PDE4D: variants seen among roughly 807,000 people sequenced by gnomAD.
PDE4D encodes 3',5'-cyclic-AMP phosphodiesterase 4D.
In PDE4D, 24 loss-of-function variants were observed where a neutral mutation model predicts 87.4. The ratio of observed to expected loss-of-function variants is 0.27; its 90% CI spans 0.20 to 0.39. PDE4D has a LOEUF of 0.39. Ranked by LOEUF, PDE4D falls within the 10% of genes least tolerant of loss-of-function variation. The pLI is 1.00. For missense variants in PDE4D, 714 were observed against 1,041.0 expected, an observed-to-expected ratio of 0.69 and a Z score of 4.32; for synonymous variants, 384 against 383.2, an observed-to-expected ratio of 1.00 and a Z score of -0.02.
chr5:59,564,888 T>A (rs949445675), intron 1 of PDE4D, among the ~76,000 whole-genome samples: 1 of 151,560 alleles, frequency 6.6e-6, no homozygotes, highest in African/African-American at 2.4e-5. Flanking sequence ...TGGAGTGGGG[T>A]GAGAAGCTTC....
intron 1 of PDE4D, among the ~76,000 whole-genome samples, chr5:59,607,949 G>C (rs995244442): frequency 3.3e-5 from 5 of 152,086 alleles, no homozygotes; most frequent in African/African-American, 9.7e-5. Context: ...GTAGGGAAGA[G>C]TGCCTAGTTT....
chr5:60,350,001 C>A (rs1407825015), intron 1 of PDE4D, among the ~76,000 whole-genome samples: 4 of 152,082 alleles, frequency 2.6e-5, no homozygotes, highest in Admixed American at 2.6e-4. Flanking sequence ...GGTTTTGAAC[C>A]ACTTGAATAA....
intron 1 of PDE4D, among the ~76,000 whole-genome samples, chr5:60,197,452 A>G (rs1164494448): frequency 1.3e-5 from 2 of 151,694 alleles, no homozygotes; most frequent in African/African-American, 4.8e-5. Context: ...AAGACCTAAT[A>G]ATACTCTTGG....
chr5:59,544,635 A>G (rs1816943379), intron 1 of PDE4D, among the ~76,000 whole-genome samples: 1 of 152,206 alleles, frequency 6.6e-6, no homozygotes, highest in Non-Finnish European at 1.5e-5. Context: ...ACCTGGTTCC[A>G]TCAATGGTTG....
chr5:59,013,772 G>T (rs1753361324), intron 6 of PDE4D, among the ~76,000 whole-genome samples: 2 of 151,410 alleles, frequency 1.3e-5, no homozygotes, highest in Admixed American at 6.6e-5. Context: ...AGAAAAAGAG[G>T]GAATCCTCCC....
chr5:59,944,759 T>G (rs1438972524), intron 3 of PDE4D, among the ~76,000 whole-genome samples: 1 of 152,132 alleles, frequency 6.6e-6, no homozygotes, highest in African/African-American at 2.4e-5. Context: ...CTCATGGACT[T>G]GAGGTATTTC....
At chr5:60,491,702 A>C (rs895244016), upstream of PDE4D, among the ~76,000 whole-genome samples, 1 of 152,100 alleles carries the variant, frequency 6.6e-6, no homozygotes, top group African/African-American at 2.4e-5. Context: ...TGCATTCTTA[A>C]TATTTGATGC....
chr5:60,003,511 A>G (rs1448114802), intron 2 of PDE4D, among the ~76,000 whole-genome samples: 3 of 152,062 alleles, frequency 2.0e-5, no homozygotes, highest in Non-Finnish European at 1.5e-5. Flanking sequence ...GGAGTTCAAG[A>G]CCAGCCTGGC....
chr5:59,484,194 GC>G (rs1039895352), intron 1 of PDE4D, among the ~76,000 whole-genome samples: 9 of 152,150 alleles, frequency 5.9e-5, no homozygotes, highest in Non-Finnish European at 1.2e-4. Context: ...TCCATGACAG[GC>G]AGGTTCTTAG....
At chr5:59,981,301 G>C (rs964801580) in intron 3 of PDE4D, among the ~76,000 whole-genome samples, 3 of 152,008 alleles carry the variant, frequency 2.0e-5, no homozygotes, top group African/African-American at 7.2e-5. Context: ...AATTTACAAA[G>C]TTTAAGGCAA....
At chr5:59,502,548 C>T (rs1247838261) in intron 1 of PDE4D, among the ~76,000 whole-genome samples, 3 of 151,898 alleles carry the variant, frequency 2.0e-5, no homozygotes, top group Non-Finnish European at 4.4e-5. Context: ...TAAAAAAAGA[C>T]ATTTTATTCA....
chr5:60,230,021 A>G (rs1413843861), intron 1 of PDE4D, among the ~76,000 whole-genome samples: 1 of 152,136 alleles, frequency 6.6e-6, no homozygotes, highest in African/African-American at 2.4e-5. Context: ...TTGTTTGGAT[A>G]GTGCTGACCA....
chr5:60,267,733 G>C (rs1033367132), intron 1 of PDE4D, among the ~76,000 whole-genome samples: 1 of 152,182 alleles, frequency 6.6e-6, no homozygotes, highest in Non-Finnish European at 1.5e-5. Context: ...TCTCCACAGA[G>C]ATTAGACTGT....
intron 1 of PDE4D, among the ~76,000 whole-genome samples, chr5:59,371,377 G>C (rs1582208416): frequency 1.3e-5 from 2 of 152,288 alleles, no homozygotes; most frequent in African/African-American, 4.8e-5. Context: ...ACTTGAGCAG[G>C]AAAGATTAGA....
At chr5:59,875,756 C>T (rs16890338) in intron 1 of PDE4D, among the ~76,000 whole-genome samples, 3,923 of 152,112 alleles carry the variant, frequency 0.026, 164 homozygotes, top group African/African-American at 0.09. Context: ...ACTTTGGAGT[C>T]ATAAAAATTC....
At chr5:59,224,293 TACACACACACACAC>T (rs35273659) in intron 1 of PDE4D, among the ~76,000 whole-genome samples, 4 of 135,410 alleles carry the variant, frequency 3.0e-5, no homozygotes, top group African/African-American at 5.3e-5. Context: ...CACACACACA[TACACACACACACAC>T]ACACACACAC....
intron 1 of PDE4D, among the ~76,000 whole-genome samples, chr5:60,499,759 G>A (rs905969977): frequency 4.6e-5 from 7 of 152,152 alleles, no homozygotes; most frequent in African/African-American, 1.2e-4. Context: ...AACAAAGAGC[G>A]AGACAGGGAG....
intron 1 of PDE4D, among the ~76,000 whole-genome samples, chr5:60,494,246 A>G (rs899919067): frequency 1.2e-4 from 19 of 152,216 alleles, no homozygotes; most frequent in African/African-American, 3.6e-4. Context: ...TGCTCCTGGC[A>G]GAAGAATGCA....
intron 1 of PDE4D, among the ~76,000 whole-genome samples, chr5:60,384,092 G>T (rs1355974870): frequency 1.3e-5 from 2 of 152,084 alleles, no homozygotes; most frequent in African/African-American, 4.8e-5. Flanking sequence ...TTATCTTTTG[G>T]CAACATAAAA....
Sources: gnomAD v4.1 joint callset for allele counts (sites outside exome capture counted in the v4.1 genomes callset) on GRCh38, gnomAD v4.1.1 for gene constraint, MANE v1.5 for transcripts, NCBI Gene and HGNC (gene_info 2026-07-23, HGNC 2026-07-21) for gene names.